RBMS3: variants seen among roughly 807,000 people sequenced by gnomAD.
The protein encoded by RBMS3 is RNA-binding motif, single-stranded-interacting protein 3.
A neutral mutation model predicts 66.8 loss-of-function variants in RBMS3; 27 were observed. The observed-to-expected ratio is 0.40, with a 90% CI of 0.30 to 0.56. The LOEUF (loss-of-function observed/expected upper bound fraction) is 0.56. RBMS3 is among the 20% of genes least tolerant of loss of function. RBMS3 has a pLI of 0.40. For missense variants in RBMS3, 513 were observed against 549.5 expected, an observed-to-expected ratio of 0.93 and a Z score of 0.66; for synonymous variants, 188 against 183.0, an observed-to-expected ratio of 1.03 and a Z score of -0.22.
chr3:29,844,436 A>G (rs2058732599), intron 6 of RBMS3, among the ~76,000 whole-genome samples: 1 of 152,222 alleles, frequency 6.6e-6, no homozygotes, highest in Non-Finnish European at 1.5e-5. Flanking sequence ...AACACAGAGT[A>G]TGGAAACATT....
At chr3:29,328,898 C>A (rs952413535) in intron 1 of RBMS3, among the ~76,000 whole-genome samples, 2 of 152,154 alleles carry the variant, frequency 1.3e-5, no homozygotes, top group African/African-American at 4.8e-5. Context: ...ATGTTTTGCA[C>A]ATACTAGTCA....
chr3:29,832,602 G>A (rs760671564), intron 6 of RBMS3, among the ~76,000 whole-genome samples: 1 of 152,178 alleles, frequency 6.6e-6, no homozygotes, highest in African/African-American at 2.4e-5. Context: ...GTAAAAACAA[G>A]CAAGTAGTTA....
chr3:29,598,522 G>A (rs886462882), intron 4 of RBMS3, among the ~76,000 whole-genome samples: 3 of 151,972 alleles, frequency 2.0e-5, no homozygotes, highest in African/African-American at 7.2e-5. Flanking sequence ...TTATACAAAA[G>A]TCCTGTTTTT....
intron 4 of RBMS3, among the ~76,000 whole-genome samples, chr3:29,602,409 T>C (rs1223702625): frequency 6.6e-6 from 1 of 152,024 alleles, no homozygotes; most frequent in Non-Finnish European, 1.5e-5. Flanking sequence ...CTTGTGCATA[T>C]GGTAAATGCT....
intron 1 of RBMS3, among the ~76,000 whole-genome samples, chr3:29,325,620 A>T (rs916640634): frequency 5.1e-5 from 7 of 136,394 alleles, no homozygotes; most frequent in Non-Finnish European, 9.3e-5. Context: ...ATATGTGTGT[A>T]TATATGTATG....
intron 5 of RBMS3, among the ~76,000 whole-genome samples, chr3:29,740,662 C>G (rs1242298816): frequency 1.3e-5 from 2 of 152,122 alleles, no homozygotes. Flanking sequence ...TGGCTTGGTA[C>G]ATTTATGTGT....
At chr3:29,990,972 C>A in intron 13 of RBMS3, 110 bp from the exon 14 acceptor site, 1 of 970,660 alleles carries the variant, frequency 1.0e-6, no homozygotes, top group Non-Finnish European at 1.6e-6. Flanking sequence ...CTTCATGTAG[C>A]TGAGGGTATC....
At chr3:29,529,249 CA>C (rs1199498827) in intron 3 of RBMS3, among the ~76,000 whole-genome samples, 1 of 152,034 alleles carries the variant, frequency 6.6e-6, no homozygotes, top group Non-Finnish European at 1.5e-5. Flanking sequence ...ATAGAAGACC[CA>C]AAAACCTACC....
At chr3:29,812,871 C>T (rs1559697919) in intron 6 of RBMS3, among the ~76,000 whole-genome samples, 1 of 151,906 alleles carries the variant, frequency 6.6e-6, no homozygotes, top group Non-Finnish European at 1.5e-5. Flanking sequence ...TGTCATTATA[C>T]TTTGCTTATT....
chr3:29,531,164 G>T (rs1303600872), intron 3 of RBMS3, among the ~76,000 whole-genome samples: 1 of 152,222 alleles, frequency 6.6e-6, no homozygotes. Flanking sequence ...CCAGGAGAAT[G>T]GTGGTCAATT....
chr3:29,994,215 T>G (rs1023291862), intron 14 of RBMS3, among the ~76,000 whole-genome samples: 1 of 152,180 alleles, frequency 6.6e-6, no homozygotes, highest in Non-Finnish European at 1.5e-5. Flanking sequence ...TACTGCACTT[T>G]TCCCACGGGC....
At chr3:29,889,218 C>T (rs575884872) in intron 8 of RBMS3, among the ~76,000 whole-genome samples, 4 of 151,570 alleles carry the variant, frequency 2.6e-5, no homozygotes, top group African/African-American at 9.7e-5. Flanking sequence ...GCCTGAGTTC[C>T]CATATGGTAA....
chr3:29,783,640 A>T (rs548481833), intron 6 of RBMS3, among the ~76,000 whole-genome samples: 130 of 152,026 alleles, frequency 8.6e-4, no homozygotes, highest in Non-Finnish European at 1.0e-3. Flanking sequence ...TAACACAATT[A>T]AAAAAAAGTA....
At chr3:29,388,252 G>T (rs2039105709) in intron 1 of RBMS3, among the ~76,000 whole-genome samples, 1 of 152,178 alleles carries the variant, frequency 6.6e-6, no homozygotes, top group African/African-American at 2.4e-5. Flanking sequence ...TAAGCGGTTT[G>T]CTTGTTGTCT....
intron 3 of RBMS3, among the ~76,000 whole-genome samples, chr3:29,542,214 A>C (rs2045789817): frequency 6.6e-6 from 1 of 152,222 alleles, no homozygotes; most frequent in Non-Finnish European, 1.5e-5. Flanking sequence ...ATAATTCATC[A>C]GAAAATAATA....
At chr3:29,929,222 T>A (rs1577176357) in intron 10 of RBMS3, among the ~76,000 whole-genome samples, 1 of 152,292 alleles carries the variant, frequency 6.6e-6, no homozygotes, top group South Asian at 2.1e-4. Context: ...TTTTCAACTC[T>A]CCCTCAATAA....
intron 1 of RBMS3, among the ~76,000 whole-genome samples, chr3:29,394,250 C>T (rs1247538868): frequency 6.6e-6 from 1 of 152,204 alleles, no homozygotes; most frequent in African/African-American, 2.4e-5. Context: ...TATTCGCTTT[C>T]TGCAAGAAGA....
chr3:29,711,485 T>G (rs529974942), intron 4 of RBMS3, among the ~76,000 whole-genome samples: 1 of 152,108 alleles, frequency 6.6e-6, no homozygotes, highest in Non-Finnish European at 1.5e-5. Context: ...TCCAAGAAAC[T>G]TGGAGCACAG....
At chr3:29,495,932 C>T (rs2043730847) in intron 3 of RBMS3, among the ~76,000 whole-genome samples, 1 of 151,990 alleles carries the variant, frequency 6.6e-6, no homozygotes, top group African/African-American at 2.4e-5. Context: ...GGCTGGTCCA[C>T]ATGGAAATCA....
Sources: gnomAD v4.1 joint callset for allele counts (sites outside exome capture counted in the v4.1 genomes callset) on GRCh38, gnomAD v4.1.1 for gene constraint, MANE v1.5 for transcripts, NCBI Gene and HGNC (gene_info 2026-07-23, HGNC 2026-07-21) for gene names.